The following HEXB variants were observed in gnomAD, a reference collection of about 807,000 sequenced individuals.
HEXB encodes the protein beta-hexosaminidase subunit beta.
A neutral mutation model predicts 71.2 loss-of-function variants in HEXB; 51 were observed. The ratio of observed to expected loss-of-function variants is 0.72; its 90% CI spans 0.57 to 0.90. The LOEUF (loss-of-function observed/expected upper bound fraction) is 0.90, where lower values mean the gene tolerates loss of function less well. Ranked by LOEUF, HEXB falls within the 40% of genes least tolerant of loss-of-function variation. The probability of loss-of-function intolerance (pLI) is 0.00; values close to 1 mark genes in which losing one functional copy is unlikely to be tolerated. For synonymous variants in HEXB, 266 were observed against 249.3 expected (o/e 1.07, Z -0.63); for missense variants, 617 against 677.0 (o/e 0.91, Z 0.98).
chr5:74,713,649 T>C lies in HEXB; in HGVS notation c.901+14T>C, dbSNP rs1183984018. The C allele has an allele frequency of 1.9e-6, 3 of 1,599,704 alleles. No homozygotes were observed. Among genetic ancestry groups the C allele is most frequent in the Non-Finnish European group, 2.6e-6 (3 of 1,167,202 alleles). ...CTTGGGGAAAAGGTAAGGAGTTGTA[T>C]TTTATTTCATTTTATCTTATTTTTT... On this transcript the variant is annotated intron_variant, in intron 7 of 13. Coordinates refer to ENST00000261416, the MANE Select transcript of HEXB (RefSeq NM_000521.4).
chr5:74,716,112 C>T (rs1472819028), intron 8 of HEXB, among the ~76,000 whole-genome samples: 1 of 149,066 alleles, frequency 6.7e-6, no homozygotes, highest in Admixed American at 6.7e-5. Context: ...TTAAGAGTAA[C>T]ATGCCTGCTT....
chr5:74,654,920 G>T (rs529467985), intron 1 of HEXB, among the ~76,000 whole-genome samples: 1 of 152,152 alleles, frequency 6.6e-6, no homozygotes, highest in African/African-American at 2.4e-5. Flanking sequence ...TGGGACAGCG[G>T]GGGAGTGGAG....
intron 5 of HEXB, among the ~76,000 whole-genome samples, chr5:74,698,779 A>C (rs1028869741): frequency 6.6e-6 from 1 of 152,212 alleles, no homozygotes; most frequent in African/African-American, 2.4e-5. Context: ...GCTTAGTGTA[A>C]AAAGTTTAAA....
chr5:74,685,635 C>G, intron 1 of HEXB, 76 bp downstream of exon 1: 1 of 1,325,912 alleles, frequency 7.5e-7, no homozygotes, highest in Non-Finnish European at 1.0e-6. Flanking sequence ...CTGTGCAGAC[C>G]CTCACCACCC....
In HEXB at chr5:74,721,145, T is replaced by C. The variant is rs2112189098; in HGVS notation, c.1641T>C (p.Tyr547=). 1 of 1,613,442 alleles carries C rather than the reference T, an allele frequency of 6.2e-7. No homozygotes were observed. Among genetic ancestry groups the C allele is most frequent in the Non-Finnish European group, 8.5e-7 (1 of 1,179,488 alleles). Residue 547 remains tyrosine, a synonymous_variant, in exon 14 of 14, where the codon TAT becomes TAC. Coordinates refer to ENST00000261416, the MANE Select transcript of HEXB (RefSeq NM_000521.4). ...GTGGAATAGCTGCACAACCTCTTTA[T>C]GCTGGATATTGTAACCATGAGAACA... ...VERGIAAQPL[Y]AGYCNHENM is the part of the protein sequence containing the mutation.
At chr5:74,684,010 G>C (rs1433421046), upstream of HEXB, among the ~76,000 whole-genome samples, 1 of 151,822 alleles carries the variant, frequency 6.6e-6, no homozygotes, top group Non-Finnish European at 1.5e-5. Flanking sequence ...TAATAGAGAC[G>C]GGGTTTCACT....
At chr5:74,695,360 C>G (rs3104693) in intron 3 of HEXB, among the ~76,000 whole-genome samples, 2 of 149,904 alleles carry the variant, frequency 1.3e-5, no homozygotes, top group Admixed American at 1.3e-4. Context: ...CCTGCCACCA[C>G]GCCTGGCTAA....
chr5:74,661,513 CTG>C (rs1179218651), intron 1 of HEXB, among the ~76,000 whole-genome samples: 1,046 of 84,854 alleles, frequency 0.012, 10 homozygotes, highest in South Asian at 0.026. Context: ...TTCTCTCTCT[CTG>C]TGTGTGTGTG....
Position 74,721,151 on chromosome 5 carries a change from A to C in HEXB, c.1647A>C (p.Gly549=). Reference sequence around the variant, plus strand: ...TAGCTGCACAACCTCTTTATGCTGGATATTGTAACCATGAGAACATGTAAA... The same window carrying C: ...TAGCTGCACAACCTCTTTATGCTGGCTATTGTAACCATGAGAACATGTAAA... ...RGIAAQPLYA[G]YCNHENM is the part of the protein sequence containing the mutation. Residue 549 remains glycine (G), a synonymous_variant, in exon 14 of 14, where the codon GGA becomes GGC. Transcript: ENST00000261416. 1 of 1,613,408 alleles carries C rather than the reference A, an allele frequency of 6.2e-7. No homozygotes were observed. Among genetic ancestry groups the C allele is most frequent in the Non-Finnish European group, 8.5e-7 (1 of 1,179,456 alleles).
chr5:74,704,383 T>A (rs1162811819), intron 5 of HEXB, among the ~76,000 whole-genome samples: 1 of 152,134 alleles, frequency 6.6e-6, no homozygotes, highest in Non-Finnish European at 1.5e-5. Context: ...TTTCATCTTT[T>A]AAAAATAGTG....
At chr5:74,710,294 A>T (rs1580392819) in intron 6 of HEXB, among the ~76,000 whole-genome samples, 1 of 151,528 alleles carries the variant, frequency 6.6e-6, no homozygotes, top group African/African-American at 2.4e-5. Context: ...ATCTCAAAAT[A>T]ATAAGAGCTA....
At chr5:74,700,333 T>C (rs1189217151) in intron 5 of HEXB, among the ~76,000 whole-genome samples, 1 of 152,110 alleles carries the variant, frequency 6.6e-6, no homozygotes, top group African/African-American at 2.4e-5. Context: ...ATGTTTATTT[T>C]GTCGTCTAGA....
At chr5:74,663,207 G>A (rs892043642) in intron 1 of HEXB, among the ~76,000 whole-genome samples, 3 of 151,058 alleles carry the variant, frequency 2.0e-5, no homozygotes, top group South Asian at 2.1e-4. Flanking sequence ...GGTGGAGTGC[G>A]GTGGCGGAGT....
chr5:74,669,127 A>G (rs1748488071), intron 1 of HEXB, among the ~76,000 whole-genome samples: 1 of 151,972 alleles, frequency 6.6e-6, no homozygotes, highest in Non-Finnish European at 1.5e-5. Context: ...AATTTTTTGT[A>G]TTTTTAATAG....
chr5:74,685,645 C>T (rs1748850618), intron 1 of HEXB, 86 bp downstream of exon 1: 2 of 1,264,832 alleles, frequency 1.6e-6, no homozygotes, highest in Admixed American at 5.1e-5. Context: ...CCTCACCACC[C>T]CACTGCGCAG....
chr5:74,665,863 C>T (rs1023949565), intron 1 of HEXB, among the ~76,000 whole-genome samples: 1 of 151,876 alleles, frequency 6.6e-6, no homozygotes, highest in African/African-American at 2.4e-5. Context: ...GTTTATAAAC[C>T]AACACATCAA....
At chr5:74,671,793 G>A (rs1748545278) in intron 1 of HEXB, among the ~76,000 whole-genome samples, 1 of 151,926 alleles carries the variant, frequency 6.6e-6, no homozygotes, top group Non-Finnish European at 1.5e-5. Context: ...TTTTTTCAAA[G>A]CTCTCAAGAT....
chr5:74,680,365 T>G (rs1411809046), upstream of HEXB, among the ~76,000 whole-genome samples: 1 of 152,218 alleles, frequency 6.6e-6, no homozygotes, highest in Non-Finnish European at 1.5e-5. Context: ...TGTCCACCAC[T>G]GTATTTTTGT....
intron 1 of HEXB, among the ~76,000 whole-genome samples, chr5:74,664,429 C>CT (rs201662112): frequency 0.11 from 5,944 of 53,360 alleles, 161 homozygotes; most frequent in Non-Finnish European, 0.12. Flanking sequence ...GATTCTATCT[C>CT]TAAAAAAAAA....
Sources: allele counts gnomAD v4.1 joint callset (sites outside exome capture counted in the v4.1 genomes callset), GRCh38; gene constraint gnomAD v4.1.1; transcripts MANE v1.5; gene names NCBI Gene and HGNC (gene_info 2026-07-23, HGNC 2026-07-21).